ZFPM2: variants seen among roughly 807,000 people sequenced by gnomAD.
ZFPM2 encodes the protein zinc finger protein, FOG family member 2, also known as zinc finger protein ZFPM2.
ZFPM2 carries 20 observed loss-of-function variants against 98.6 expected under a neutral mutation model. The observed-to-expected ratio is 0.20, with a 90% confidence interval of 0.14 to 0.29. The LOEUF (loss-of-function observed/expected upper bound fraction) is 0.29, where lower values mean the gene tolerates loss of function less well. Ranked by LOEUF, ZFPM2 falls within the 10% of genes least tolerant of loss-of-function variation. The pLI is 1.00. For synonymous variants in ZFPM2, 518 were observed against 502.7 expected (o/e 1.03, Z -0.41); for missense variants, 1,310 against 1,388.6 (o/e 0.94, Z 0.90).
chr8:105,738,822 G>A (rs1354665797), intron 5 of ZFPM2, among the ~76,000 whole-genome samples: 1 of 151,772 alleles, frequency 6.6e-6, no homozygotes, highest in Non-Finnish European at 1.5e-5. Context: ...AAATGTAGGT[G>A]TACATTTCAA....
At chr8:105,331,695 T>A (rs1173637183) in intron 1 of ZFPM2, among the ~76,000 whole-genome samples, 1 of 151,780 alleles carries the variant, frequency 6.6e-6, no homozygotes, top group East Asian at 1.9e-4. Context: ...TATGTATTCA[T>A]GAATTTTTCT....
intron 3 of ZFPM2, among the ~76,000 whole-genome samples, chr8:105,494,102 A>G (rs1230709196): frequency 6.8e-6 from 1 of 146,854 alleles, no homozygotes; most frequent in Non-Finnish European, 1.5e-5. Flanking sequence ...CTTCCTGGTG[A>G]TCTCACCCAT....
intron 3 of ZFPM2, among the ~76,000 whole-genome samples, chr8:105,494,340 G>A (rs58579666): frequency 8.6e-4 from 130 of 150,858 alleles, no homozygotes; most frequent in African/African-American, 2.6e-3. Context: ...CATTCCGCAC[G>A]CTTAAGACCC....
At chr8:105,500,491 A>T (rs1586418896) in intron 3 of ZFPM2, among the ~76,000 whole-genome samples, 1 of 152,122 alleles carries the variant, frequency 6.6e-6, no homozygotes, top group East Asian at 1.9e-4. Context: ...TTTTTCCAAG[A>T]ACAGTTACAT....
At chr8:105,455,625 A>G (rs1192384495) in intron 3 of ZFPM2, among the ~76,000 whole-genome samples, 1 of 152,228 alleles carries the variant, frequency 6.6e-6, no homozygotes, top group Non-Finnish European at 1.5e-5. Context: ...ATGACTATGT[A>G]GAGAGTGGAC....
chr8:105,370,042 A>G (rs1465764628), intron 1 of ZFPM2, among the ~76,000 whole-genome samples: 1 of 152,186 alleles, frequency 6.6e-6, no homozygotes, highest in Non-Finnish European at 1.5e-5. Flanking sequence ...GTTAAAATGT[A>G]TGGTAATAAG....
At chr8:105,330,538 C>CTCTATA (rs1554594944) in intron 1 of ZFPM2, among the ~76,000 whole-genome samples, 1,544 of 100,034 alleles carry the variant, frequency 0.015, 41 homozygotes, top group African/African-American at 0.058. Flanking sequence ...CTCTCTCTCT[C>CTCTATA]TATATATATA....
At chr8:105,756,085 G>A (rs568678190) in intron 5 of ZFPM2, among the ~76,000 whole-genome samples, 1 of 152,280 alleles carries the variant, frequency 6.6e-6, no homozygotes, top group East Asian at 1.9e-4. Context: ...TAAAAATGCT[G>A]CTGTTGTGGC....
At chr8:105,629,109 C>A (rs925212528) in intron 4 of ZFPM2, among the ~76,000 whole-genome samples, 5 of 152,206 alleles carry the variant, frequency 3.3e-5, no homozygotes, top group Non-Finnish European at 7.3e-5. Flanking sequence ...CCTGTGCACT[C>A]CTGCAAGAGG....
rs548091971 is a variant in ZFPM2, at chr8:105,400,015, G to A, written c.41-19129G>A. On this transcript the variant is annotated intron_variant, in intron 1 of 7. Coordinates refer to ENST00000407775, the MANE Select transcript of ZFPM2 (RefSeq NM_012082.4). ...AATCCTGACCTCAGGTAATCCGCTC[G>A]TCTCGGCCTCCCAAAGTGCTAGGAT... Among the ~76,000 whole-genome samples, 6 of 152,012 alleles carry A rather than the reference G, an allele frequency of 3.9e-5. No homozygotes were observed. In the South Asian group the frequency reaches 8.3e-4, roughly 21 times the overall value.
chr8:105,792,661 ATCTG>A (rs1159172136), intron 6 of ZFPM2, among the ~76,000 whole-genome samples: 1 of 152,108 alleles, frequency 6.6e-6, no homozygotes, highest in African/African-American at 2.4e-5. Context: ...TGTCTCGTTG[ATCTG>A]TCTAATGTTG....
At chr8:105,655,438 T>C (rs1174511772) in intron 5 of ZFPM2, among the ~76,000 whole-genome samples, 19 of 151,906 alleles carry the variant, frequency 1.3e-4, no homozygotes, top group Admixed American at 6.6e-4. Context: ...TCCACATTGG[T>C]CAGACTGGTC....
rs374926066 is a variant in ZFPM2 at position 105,419,140 on chromosome 8, C to A, written c.41-4C>A. On this transcript the variant is annotated splice_region_variant and splice_polypyrimidine_tract_variant and intron_variant, in intron 1 of 7. Coordinates refer to ENST00000407775, the MANE Select transcript of ZFPM2 (RefSeq NM_012082.4). ...TGGTACAGTTTCCCTGATTCTTTTT[C>A]AAGGGCCGCTTGAAGATGCCATTGA... The A allele has an allele frequency of 1.4e-4, 231 of 1,608,126 alleles. No homozygotes were observed. In the African/African-American group the frequency reaches 2.4e-3, roughly 17 times the overall value.
At chr8:105,321,570 T>C (rs1285572634) in intron 1 of ZFPM2, among the ~76,000 whole-genome samples, 1 of 152,162 alleles carries the variant, frequency 6.6e-6, no homozygotes, top group Non-Finnish European at 1.5e-5. Flanking sequence ...AGACAGTCAA[T>C]TTAAAGGACA....
intron 2 of ZFPM2, among the ~76,000 whole-genome samples, chr8:105,423,406 T>C (rs1194180538): frequency 2.6e-5 from 4 of 152,240 alleles, no homozygotes; most frequent in African/African-American, 7.2e-5. Flanking sequence ...ATTTGAAATT[T>C]ACTTTGATAC....
chr8:105,530,346 C>T (rs1371633850), intron 3 of ZFPM2, among the ~76,000 whole-genome samples: 6 of 152,102 alleles, frequency 3.9e-5, no homozygotes, highest in South Asian at 2.1e-4. Flanking sequence ...TTCTGGATCT[C>T]CAGCCTTAAC....
intron 3 of ZFPM2, among the ~76,000 whole-genome samples, chr8:105,512,828 T>G (rs1389589647): frequency 6.6e-6 from 1 of 152,170 alleles, no homozygotes; most frequent in Admixed American, 6.6e-5. Flanking sequence ...AAGATAGTAC[T>G]TGGAGATTTT....
At chr8:105,508,848 T>C (rs1171125163) in intron 3 of ZFPM2, among the ~76,000 whole-genome samples, 1 of 149,766 alleles carries the variant, frequency 6.7e-6, no homozygotes, top group Non-Finnish European at 1.5e-5. Context: ...TGGATTTTTT[T>C]TGAAAAAAAA....
rs1014267795 is a variant in ZFPM2 at position 105,319,077 on chromosome 8, G to A, written c.40+96G>A. On this transcript the variant is annotated intron_variant, in intron 1 of 7. Coordinates refer to ENST00000407775, the MANE Select transcript of ZFPM2 (RefSeq NM_012082.4). ...CGGTGGGTGGGTGGCGGGGCTAGGG[G>A]AGATCCGCTCCCGGTCCCCTAGATG... The A allele has an allele frequency of 1.8e-5, 25 of 1,366,544 alleles. No individual in the cohort carries two copies. The African/African-American group carries it at 3.0e-4, about 16-fold the overall frequency. The allele number at this position is 1,366,544 out of a possible 1,614,324, so 84.7% of individuals were successfully genotyped here. A position where few individuals can be genotyped will look rare whatever the true frequency, so the allele number is the denominator to read the frequency against.
Sources: allele counts gnomAD v4.1 joint callset (sites outside exome capture counted in the v4.1 genomes callset), GRCh38; gene constraint gnomAD v4.1.1; transcripts MANE v1.5; gene names NCBI Gene and HGNC (gene_info 2026-07-23, HGNC 2026-07-21).